The following CSMD1 variants were observed in gnomAD, a reference collection of about 807,000 sequenced individuals.
The protein encoded by CSMD1 is CUB and Sushi multiple domains 1.
CSMD1 carries 213 observed loss-of-function variants against 417.5 expected under a neutral mutation model. The ratio of observed to expected loss-of-function variants is 0.51; its 90% CI spans 0.46 to 0.57. CSMD1 has a LOEUF of 0.57. Ranked by LOEUF, CSMD1 falls within the 20% of genes least tolerant of loss-of-function variation. CSMD1 has a pLI of 0.00. For synonymous variants in CSMD1, 2,862 were observed against 1,736.8 expected (o/e 1.65, Z -16.11); for missense variants, 6,923 against 4,529.7 (o/e 1.53, Z -15.17).
rs375274684 is a variant in CSMD1 at position 3,142,708 on chromosome 8, A to G, written c.6032-34T>C. 4.8e-5 allele frequency: 73 copies of G among 1,506,658 alleles called. No homozygotes were observed. In the African/African-American group the frequency reaches 5.2e-4, roughly 11 times the overall value. 93.3% of individuals were successfully genotyped at this position (1,506,658 alleles called of 1,614,324 possible). A position where few individuals can be genotyped will look rare whatever the true frequency, so the allele number is the denominator to read the frequency against. Reference sequence around the variant, plus strand: ...AAACATGCAAACTTAATGAAAGTTCATATCAAAATGTATAAAATCAATGCT... The same window carrying G: ...AAACATGCAAACTTAATGAAAGTTCGTATCAAAATGTATAAAATCAATGCT... On this transcript the variant is annotated intron_variant, in intron 40 of 69. Coordinates refer to ENST00000635120, the MANE Select transcript of CSMD1 (RefSeq NM_033225.6).
intron 3 of CSMD1, among the ~76,000 whole-genome samples, chr8:4,291,304 A>G (rs1797347031): frequency 6.6e-6 from 1 of 152,144 alleles, no homozygotes; most frequent in Non-Finnish European, 1.5e-5. Context: ...AAGATATTTA[A>G]AAGCTAGGGA....
intron 54 of CSMD1, among the ~76,000 whole-genome samples, chr8:2,985,344 C>T (rs1458491106): frequency 2.0e-5 from 3 of 151,688 alleles, no homozygotes; most frequent in Non-Finnish European, 4.4e-5. Context: ...TGTGATACTG[C>T]TACACTGTTT....
chr8:3,882,527 A>G (rs1806275742), intron 5 of CSMD1, among the ~76,000 whole-genome samples: 1 of 152,194 alleles, frequency 6.6e-6, no homozygotes, highest in African/African-American at 2.4e-5. Context: ...ACATGCATAC[A>G]CTGTGAGTGG....
At chr8:2,978,570 G>C in intron 55 of CSMD1, 42 bp downstream of exon 55, 6 of 1,475,804 alleles carry the variant, frequency 4.1e-6, no homozygotes, top group Non-Finnish European at 5.5e-6. Context: ...TGGTGACCTT[G>C]CAGGGGTCTC....
intron 1 of CSMD1, among the ~76,000 whole-genome samples, chr8:4,901,808 T>C (rs894110482): frequency 3.3e-5 from 5 of 152,150 alleles, no homozygotes; most frequent in African/African-American, 1.2e-4. Context: ...TGTGATTACA[T>C]ATTCTCAAAG....
rs567357535 is a variant in CSMD1 at position 4,151,183 on chromosome 8, A to C, written c.416-119084T>G. Among the ~76,000 whole-genome samples, 2 of 152,308 alleles carry C rather than the reference A, an allele frequency of 1.3e-5. 1 individual carries two copies. The highest frequency in any genetic ancestry group is 4.1e-4 in the South Asian group (2 of 4,830). On this transcript the variant is annotated intron_variant, in intron 3 of 69. Coordinates refer to ENST00000635120, the MANE Select transcript of CSMD1 (RefSeq NM_033225.6). ...TTGAAAGCAAAGGAATTCAGGCAAA[A>C]TCCTTTCTGTTACCATAACCTCTTC...
intron 5 of CSMD1, among the ~76,000 whole-genome samples, chr8:3,778,535 C>T (rs1799013402): frequency 6.6e-6 from 1 of 152,206 alleles, no homozygotes; most frequent in Non-Finnish European, 1.5e-5. Flanking sequence ...TGCCCGTGTG[C>T]CTGTGCACGC....
At chr8:3,089,418 C>G (rs868299892) in intron 48 of CSMD1, among the ~76,000 whole-genome samples, 4 of 152,242 alleles carry the variant, frequency 2.6e-5, no homozygotes, top group South Asian at 2.1e-4. Context: ...TCCAGAACCA[C>G]TGTTCGCAGG....
intron 26 of CSMD1, among the ~76,000 whole-genome samples, chr8:3,276,303 G>A (rs942918413): frequency 9.2e-5 from 14 of 152,138 alleles, no homozygotes; most frequent in African/African-American, 3.4e-4. Context: ...CTGCATGCTG[G>A]GAGAACCACT....
intron 3 of CSMD1, among the ~76,000 whole-genome samples, chr8:4,068,079 C>CAA (rs1374069506): frequency 1.3e-5 from 2 of 149,704 alleles, no homozygotes; most frequent in African/African-American, 4.9e-5. Flanking sequence ...GACAACGTCT[C>CAA]AAAAAAGAAA....
At chr8:4,574,856 T>A (rs1341907884) in intron 2 of CSMD1, among the ~76,000 whole-genome samples, 1 of 152,244 alleles carries the variant, frequency 6.6e-6, no homozygotes, top group East Asian at 1.9e-4. Flanking sequence ...AAGTGCTTCT[T>A]CGTCCAAAAT....
chr8:3,366,554 T>G (rs1161714780), intron 20 of CSMD1, among the ~76,000 whole-genome samples: 1 of 152,210 alleles, frequency 6.6e-6, no homozygotes, highest in Non-Finnish European at 1.5e-5. Context: ...ATGAATATAT[T>G]AAACTACAAG....
intron 12 of CSMD1, among the ~76,000 whole-genome samples, chr8:3,421,433 A>G (rs947403777): frequency 1.3e-5 from 2 of 152,242 alleles, no homozygotes; most frequent in African/African-American, 4.8e-5. Context: ...GTGATTAAGA[A>G]AAGAGAAACA....
At chr8:4,057,990 T>G (rs561995190) in intron 3 of CSMD1, among the ~76,000 whole-genome samples, 120 of 151,710 alleles carry the variant, frequency 7.9e-4, no homozygotes, top group African/African-American at 2.9e-3. Flanking sequence ...TTTGTTCTTT[T>G]GCCTTAGGAT....
chr8:3,141,962 T>G (rs1343527928), intron 41 of CSMD1, among the ~76,000 whole-genome samples: 1 of 151,996 alleles, frequency 6.6e-6, no homozygotes, highest in Non-Finnish European at 1.5e-5. Context: ...TATGCCCAGC[T>G]AATTTTTGGT....
chr8:3,126,901 A>C (rs1197759578), intron 41 of CSMD1, among the ~76,000 whole-genome samples: 71 of 152,126 alleles, frequency 4.7e-4, no homozygotes, highest in Admixed American at 4.7e-3. Flanking sequence ...CAGCAAGTGG[A>C]ATGTGGAAAT....
chr8:4,635,974 G>C (rs560492626), intron 2 of CSMD1, among the ~76,000 whole-genome samples: 1 of 151,610 alleles, frequency 6.6e-6, no homozygotes, highest in Admixed American at 6.6e-5. Flanking sequence ...TTTGAAAGTG[G>C]GTGAAAAAAT....
intron 3 of CSMD1, among the ~76,000 whole-genome samples, chr8:4,226,528 G>T (rs551477283): frequency 3.9e-5 from 6 of 152,022 alleles, no homozygotes; most frequent in African/African-American, 1.4e-4. Context: ...AAAACAATTA[G>T]CCTTGATCCT....
intron 3 of CSMD1, among the ~76,000 whole-genome samples, chr8:4,193,798 G>A (rs1051702120): frequency 1.3e-5 from 2 of 152,068 alleles, no homozygotes; most frequent in African/African-American, 4.8e-5. Flanking sequence ...ATCGAAGGAT[G>A]CTATGGCGAG....
Sources: allele counts gnomAD v4.1 joint callset (sites outside exome capture counted in the v4.1 genomes callset), GRCh38; gene constraint gnomAD v4.1.1; transcripts MANE v1.5; gene names NCBI Gene and HGNC (gene_info 2026-07-23, HGNC 2026-07-21).